PRIMA1: variants seen among roughly 807,000 people sequenced by gnomAD.
PRIMA1 encodes proline-rich membrane anchor 1.
In PRIMA1, 7 loss-of-function variants were observed where a neutral mutation model predicts 17.5. The observed-to-expected ratio is 0.40, with a 90% confidence interval of 0.23 to 0.75. The LOEUF (loss-of-function observed/expected upper bound fraction) is 0.75. PRIMA1 is among the 30% of genes least tolerant of loss of function. The pLI is 0.37. For missense variants in PRIMA1, 200 were observed against 201.8 expected (o/e 0.99, Z 0.05); for synonymous variants, 97 against 77.9 (o/e 1.25, Z -1.29).
chr14:93,728,826 C>T (rs755799880), intron 4 of PRIMA1, among the ~76,000 whole-genome samples: 4 of 152,190 alleles, frequency 2.6e-5, no homozygotes, highest in Non-Finnish European at 5.9e-5. Flanking sequence ...CGCCCCACAC[C>T]AAGGATGCCG....
At position 93,726,346 on chromosome 14, in the gene PRIMA1, A is replaced by C. The variant is rs2076075954; in HGVS notation, c.360-4800T>G. Among the ~76,000 whole-genome samples the C allele has an allele frequency of 6.6e-6, 1 of 152,140 alleles. No individual in the cohort carries two copies. On this transcript the variant is annotated intron_variant, in intron 4 of 4. Transcript: ENST00000393140. The surrounding 1 kb of genome is among the most constrained non-coding windows in gnomAD (Gnocchi z 4.2). ...TGTGGGGATGGAGGAGATGGAGGCA[A>C]AGAACAACTCTGGGAGCCTAAGAAG...
intron 3 of PRIMA1, among the ~76,000 whole-genome samples, chr14:93,776,645 G>A (rs1011154355): frequency 1.3e-5 from 2 of 152,168 alleles, no homozygotes. Flanking sequence ...GCTCATCACT[G>A]CCCAGAGCAG....
intron 2 of PRIMA1, among the ~76,000 whole-genome samples, chr14:93,784,427 C>T (rs533463413): frequency 2.0e-5 from 3 of 152,178 alleles, no homozygotes; most frequent in East Asian, 1.9e-4. Context: ...CTTGGCTTCC[C>T]GAAGTGTTGG....
At chr14:93,752,354 C>A (rs558626187) in intron 3 of PRIMA1, among the ~76,000 whole-genome samples, 3 of 152,182 alleles carry the variant, frequency 2.0e-5, no homozygotes, top group Admixed American at 6.5e-5. Flanking sequence ...GGAGGGAGAC[C>A]CCCCCGCCCC....
intron 3 of PRIMA1, among the ~76,000 whole-genome samples, chr14:93,740,385 C>G (rs1198398942): frequency 1.3e-5 from 2 of 152,298 alleles, no homozygotes; most frequent in Admixed American, 1.3e-4. Context: ...GGGTGATGCC[C>G]CCACCTTCCC....
chr14:93,740,813 G>A (rs1299885592), intron 3 of PRIMA1, among the ~76,000 whole-genome samples: 3 of 152,214 alleles, frequency 2.0e-5, no homozygotes, highest in Admixed American at 1.3e-4. Context: ...AGGCAGAATT[G>A]TCCCTTGAAA....
intron 3 of PRIMA1, among the ~76,000 whole-genome samples, chr14:93,743,318 C>G (rs1394886505): frequency 2.0e-5 from 3 of 152,228 alleles, no homozygotes; most frequent in Non-Finnish European, 4.4e-5. Context: ...GCTCTCCTAA[C>G]TTTCCAAGTC....
chr14:93,742,214 G>A (rs1273041822), intron 3 of PRIMA1, among the ~76,000 whole-genome samples: 1 of 152,218 alleles, frequency 6.6e-6, no homozygotes, highest in Non-Finnish European at 1.5e-5. Flanking sequence ...AAGAGACGAT[G>A]AAACAAATGA....
In PRIMA1 at chr14:93,779,224, G is replaced by GGGGGGGGGGGGGGGGGGGGC; in HGVS notation, c.180_181insGCCCCCCCCCCCCCCCCCCC (p.Pro61AlafsTer41). ...GGTGGCGGGGGTGGGGGCGGCGGGG[G>GGGGGGGGGGGGGGGGGGGGC]CAGCGGGGGAGGGGGCCGGCACTGG... On this transcript the variant is annotated frameshift_variant, in exon 3 of 5. Transcript: ENST00000393140. LOFTEE classifies it high-confidence loss of function. 1.8e-6 allele frequency: 2 copies of GGGGGGGGGGGGGGGGGGGGC among 1,134,020 alleles called. No homozygotes were observed. The highest frequency in any genetic ancestry group is 1.6e-5 in the South Asian group (1 of 61,154). 70.2% of individuals were successfully genotyped at this position (1,134,020 alleles called of 1,614,324 possible). A position where few individuals can be genotyped will look rare whatever the true frequency, so the allele number is the denominator to read the frequency against.
intron 4 of PRIMA1, among the ~76,000 whole-genome samples, chr14:93,731,628 T>C (rs1443916043): frequency 6.6e-6 from 1 of 152,198 alleles, no homozygotes. Context: ...CACTCCTTTC[T>C]CCTTCTCTTC....
intron 3 of PRIMA1, among the ~76,000 whole-genome samples, chr14:93,762,000 T>C (rs1884740748): frequency 6.6e-6 from 1 of 152,204 alleles, no homozygotes; most frequent in South Asian, 2.1e-4. Context: ...TGGTATTGCT[T>C]ACAGACTCTG....
At chr14:93,760,212 T>G (rs960380467) in intron 3 of PRIMA1, among the ~76,000 whole-genome samples, 5 of 152,212 alleles carry the variant, frequency 3.3e-5, no homozygotes, top group Non-Finnish European at 7.3e-5. Context: ...GACACACACA[T>G]GAGCGGGGAA....
At chr14:93,787,362 A>C (rs1022905094) in intron 2 of PRIMA1, among the ~76,000 whole-genome samples, 17 of 152,222 alleles carry the variant, frequency 1.1e-4, no homozygotes, top group Non-Finnish European at 2.4e-4. Context: ...GAATGTTATC[A>C]TTGGAAGGTA....
chr14:93,759,133 A>G (rs896278035), intron 3 of PRIMA1, among the ~76,000 whole-genome samples: 1 of 152,176 alleles, frequency 6.6e-6, no homozygotes, highest in Non-Finnish European at 1.5e-5. Context: ...AACTCTCCGC[A>G]GGGCACGAGG....
At chr14:93,787,370 G>A (rs1165459971) in intron 2 of PRIMA1, among the ~76,000 whole-genome samples, 1 of 152,206 alleles carries the variant, frequency 6.6e-6, no homozygotes, top group Non-Finnish European at 1.5e-5. Flanking sequence ...TCATTGGAAG[G>A]TATTCTCTGA....
At chr14:93,772,766 G>A (rs962454751) in intron 3 of PRIMA1, among the ~76,000 whole-genome samples, 1 of 152,098 alleles carries the variant, frequency 6.6e-6, no homozygotes, top group African/African-American at 2.4e-5. Flanking sequence ...GAAGATGCAG[G>A]GGAGTCTACA....
intron 4 of PRIMA1, among the ~76,000 whole-genome samples, chr14:93,732,114 G>A (rs996166995): frequency 2.6e-5 from 4 of 152,252 alleles, no homozygotes; most frequent in African/African-American, 9.6e-5. Flanking sequence ...TGGCTGTCCA[G>A]TGGCTTCATG....
At chr14:93,755,239 T>C (rs985750629) in intron 3 of PRIMA1, among the ~76,000 whole-genome samples, 2 of 152,190 alleles carry the variant, frequency 1.3e-5, no homozygotes, top group Admixed American at 1.3e-4. Flanking sequence ...TGTATATATG[T>C]ATCCTGAGTG....
intron 4 of PRIMA1, among the ~76,000 whole-genome samples, chr14:93,732,928 T>C (rs2076124454): frequency 1.3e-5 from 2 of 152,258 alleles, no homozygotes; most frequent in South Asian, 4.1e-4. Flanking sequence ...CATGTGCCCG[T>C]CAGGCCTAGG....
Sources: gnomAD v4.1 joint callset for allele counts (sites outside exome capture counted in the v4.1 genomes callset) on GRCh38, gnomAD v4.1.1 for gene constraint, Gnocchi (gnomAD v3.1) non-coding constraint, MANE v1.5 for transcripts, NCBI Gene and HGNC (gene_info 2026-07-23, HGNC 2026-07-21) for gene names.